Variants in DLGAP1 observed in about 807,000 individuals in gnomAD.
DLGAP1 encodes disks large-associated protein 1.
A neutral mutation model predicts 90.8 loss-of-function variants in DLGAP1; 11 were observed. That is an observed-to-expected ratio of 0.12 (90% confidence interval 0.08 to 0.20). The LOEUF (loss-of-function observed/expected upper bound fraction) is 0.20. Ranked by LOEUF, DLGAP1 falls within the 10% of genes least tolerant of loss-of-function variation. The pLI is 1.00. For missense variants in DLGAP1, 1,050 were observed against 1,333.8 expected (o/e 0.79, Z 3.31); for synonymous variants, 558 against 540.7 (o/e 1.03, Z -0.44).
rs2081201136 is a variant in DLGAP1, at chr18:4,342,042, G to C, written c.-267+112964C>G. On this transcript the variant is annotated intron_variant, in intron 1 of 12. Coordinates refer to ENST00000315677, the MANE Select transcript of DLGAP1 (RefSeq NM_004746.4). The surrounding 1 kb of genome is among the most constrained non-coding windows in gnomAD (Gnocchi z 5.8). ...AACCTGCCACACAAGATCATCTTCA[G>C]AATTTCTGAGCGGATAAAGTCCTCG... is the stretch of plus-strand genomic sequence containing the variant. Among the ~76,000 whole-genome samples, 1 of 151,980 alleles carries C rather than the reference G, an allele frequency of 6.6e-6. No individual in the cohort carries two copies.
intron 1 of DLGAP1, among the ~76,000 whole-genome samples, chr18:4,423,823 C>CT (rs1321294987): frequency 7.6e-6 from 1 of 131,632 alleles, no homozygotes. Context: ...GCATGAGACA[C>CT]TAGTTAAGTG....
At chr18:3,849,421 G>C (rs1032654559) in intron 4 of DLGAP1, among the ~76,000 whole-genome samples, 5 of 152,208 alleles carry the variant, frequency 3.3e-5, no homozygotes, top group Admixed American at 3.3e-4. Flanking sequence ...GCATTGCATG[G>C]AGGGAGGCAG....
At chr18:3,981,945 A>G (rs1479963087) in intron 3 of DLGAP1, among the ~76,000 whole-genome samples, 1 of 152,116 alleles carries the variant, frequency 6.6e-6, no homozygotes, top group Non-Finnish European at 1.5e-5. Flanking sequence ...AGTTATCTTG[A>G]CTACTTTTTA....
intron 3 of DLGAP1, among the ~76,000 whole-genome samples, chr18:3,963,583 G>GTTT (rs35099419): frequency 8.5e-6 from 1 of 117,576 alleles, no homozygotes; most frequent in Non-Finnish European, 1.8e-5. Context: ...ACTTTGGGCT[G>GTTT]TTTTTTTTTT....
intron 2 of DLGAP1, among the ~76,000 whole-genome samples, chr18:4,087,535 G>T (rs2143700250): frequency 6.6e-6 from 1 of 152,192 alleles, no homozygotes; most frequent in African/African-American, 2.4e-5. Flanking sequence ...TCTTATGACT[G>T]GCTTGCTGTC....
chr18:4,097,101 T>C (rs770537044), intron 2 of DLGAP1, among the ~76,000 whole-genome samples: 18 of 152,212 alleles, frequency 1.2e-4, no homozygotes, highest in Non-Finnish European at 2.9e-5. Flanking sequence ...TATTATTCAA[T>C]TGAACAAACA....
At chr18:3,684,078 G>C (rs2146931404) in intron 7 of DLGAP1, among the ~76,000 whole-genome samples, 1 of 152,160 alleles carries the variant, frequency 6.6e-6, no homozygotes, top group East Asian at 1.9e-4. Context: ...TAGTTAAATA[G>C]CTGTATTCTA....
At chr18:4,353,859 C>G (rs187239259) in intron 1 of DLGAP1, among the ~76,000 whole-genome samples, 2 of 152,212 alleles carry the variant, frequency 1.3e-5, no homozygotes, top group African/African-American at 4.8e-5. Flanking sequence ...ATCACTGTCG[C>G]TCTGAAAAAT....
At chr18:4,285,518 A>G (rs1408734778) in intron 1 of DLGAP1, among the ~76,000 whole-genome samples, 1 of 152,218 alleles carries the variant, frequency 6.6e-6, no homozygotes, top group Non-Finnish European at 1.5e-5. Flanking sequence ...GGATCTTGAT[A>G]AAAGAAAAAC....
intron 1 of DLGAP1, among the ~76,000 whole-genome samples, chr18:4,327,319 A>G (rs949627809): frequency 3.3e-5 from 5 of 152,042 alleles, no homozygotes; most frequent in Admixed American, 2.0e-4. Flanking sequence ...ATCACATTAC[A>G]TCCTGTACCC....
rs755948170 is a variant in DLGAP1 at position 3,581,933 on chromosome 18, G to A, written c.1907C>T (p.Thr636Met). 3.8e-5 allele frequency: 62 copies of A among 1,614,158 alleles called. No individual in the cohort carries two copies. Among genetic ancestry groups the A allele is most frequent in the Middle Eastern group, 3.3e-4 (2 of 6,062 alleles). ...AAAGTGGTCCTTCTTCCTGTCCTCC[G>A]TGGTGACGGTGGCTATGGTAGTCGT... Reference protein sequence around the residue: ...TTTTTIATVTTEDRKKDHFKK... With the variant: ...TTTTTIATVTMEDRKKDHFKK... The change falls in exon 8 of 13, where the codon ACG (threonine) becomes ATG (methionine). Residue 636 changes from threonine to methionine, a missense_variant. Coordinates refer to ENST00000315677, the MANE Select transcript of DLGAP1 (RefSeq NM_004746.4).
intron 9 of DLGAP1, among the ~76,000 whole-genome samples, chr18:3,541,547 T>C (rs1012982441): frequency 3.9e-5 from 6 of 152,194 alleles, no homozygotes; most frequent in Admixed American, 1.3e-4. Flanking sequence ...CCAAAGCTCC[T>C]GGGTTGACAA....
intron 12 of DLGAP1, among the ~76,000 whole-genome samples, chr18:3,501,090 C>A (rs1036677765): frequency 2.0e-5 from 3 of 151,712 alleles, no homozygotes; most frequent in African/African-American, 2.4e-5. Context: ...AATTTTTGTA[C>A]TTTTTGTAGA....
chr18:3,784,666 C>T (rs190646122), intron 5 of DLGAP1, among the ~76,000 whole-genome samples: 53 of 152,138 alleles, frequency 3.5e-4, no homozygotes, highest in Admixed American at 3.0e-3. Flanking sequence ...CTGCTCCTGA[C>T]GAGGAAAAAA....
chr18:3,869,882 A>G (rs2070636928), intron 4 of DLGAP1, among the ~76,000 whole-genome samples: 1 of 152,240 alleles, frequency 6.6e-6, no homozygotes, highest in African/African-American at 2.4e-5. Context: ...TTATTTCTCA[A>G]ATTTGAAGTT....
intron 7 of DLGAP1, among the ~76,000 whole-genome samples, chr18:3,670,115 A>C (rs2060036375): frequency 1.3e-5 from 2 of 152,320 alleles, no homozygotes; most frequent in Non-Finnish European, 2.9e-5. Context: ...AAAACAAAAC[A>C]AACCCCTAAA....
At chr18:3,820,244 G>A (rs887643318) in intron 4 of DLGAP1, among the ~76,000 whole-genome samples, 6 of 152,166 alleles carry the variant, frequency 3.9e-5, no homozygotes, top group South Asian at 2.1e-4. Context: ...TTAGAAAGCC[G>A]GGACAGCTGA....
chr18:4,289,185 T>A (rs878923399), intron 1 of DLGAP1, among the ~76,000 whole-genome samples: 4 of 152,166 alleles, frequency 2.6e-5, no homozygotes, highest in Admixed American at 2.6e-4. Context: ...TGAATGAAGA[T>A]GGGGCCAGAT....
chr18:3,867,662 G>A (rs1277517332), intron 4 of DLGAP1, among the ~76,000 whole-genome samples: 1 of 152,186 alleles, frequency 6.6e-6, no homozygotes, highest in East Asian at 1.9e-4. Flanking sequence ...AAAAGAGAAG[G>A]GCTGTTGGGA....
Sources: allele counts gnomAD v4.1 joint callset (sites outside exome capture counted in the v4.1 genomes callset), GRCh38; gene constraint gnomAD v4.1.1; non-coding constraint Gnocchi (gnomAD v3.1); transcripts MANE v1.5; gene names NCBI Gene and HGNC (gene_info 2026-07-23, HGNC 2026-07-21).